The following XKR9 variants were observed in gnomAD, a reference collection of about 807,000 sequenced individuals.
XKR9 encodes XK related 9, also known as XK-related protein 9.
A neutral mutation model predicts 32.0 loss-of-function variants in XKR9; 32 were observed. That is an observed-to-expected ratio of 1.00 (90% CI 0.76 to 1.34). XKR9 has a LOEUF of 1.34. Ranked by LOEUF, XKR9 falls within the 40% of genes most tolerant of loss-of-function variation. XKR9 has a pLI of 0.00. For synonymous variants in XKR9, 168 were observed against 143.4 expected (o/e 1.17, Z -1.22); for missense variants, 546 against 429.7 (o/e 1.27, Z -2.39).
chr8:70,903,088 G>T, the XKR9 span, among the ~76,000 whole-genome samples: 3 of 152,078 alleles, frequency 2.0e-5, no homozygotes, highest in Non-Finnish European at 4.4e-5. Context: ...AGGGATATTG[G>T]TCTAAAATTC....
At chr8:70,967,839 C>A in the XKR9 span, among the ~76,000 whole-genome samples, 13 of 152,010 alleles carry the variant, frequency 8.6e-5, no homozygotes, top group African/African-American at 3.1e-4. Context: ...TGTGGGTGAT[C>A]CAGCCTTTCT....
chr8:70,703,735 A>T (rs1419085449), intron 3 of XKR9, among the ~76,000 whole-genome samples: 1 of 152,132 alleles, frequency 6.6e-6, no homozygotes, highest in Non-Finnish European at 1.5e-5. Context: ...CAGTAGGGGA[A>T]TCAGCCTGAT....
At chr8:70,844,772 C>G in the XKR9 span, among the ~76,000 whole-genome samples, 1 of 152,230 alleles carries the variant, frequency 6.6e-6, no homozygotes, top group South Asian at 2.1e-4. Context: ...CATGTGCCAC[C>G]TGGAAGTTTG....
At chr8:70,763,114 A>T (rs1056799862) in intron 2 of XKR9, among the ~76,000 whole-genome samples, 2 of 152,206 alleles carry the variant, frequency 1.3e-5, no homozygotes, top group Non-Finnish European at 2.9e-5. Context: ...CTCAGGCTGT[A>T]GTCTGTGAGA....
chr8:70,845,258 C>G, the XKR9 span, among the ~76,000 whole-genome samples: 1 of 152,168 alleles, frequency 6.6e-6, no homozygotes, highest in East Asian at 1.9e-4. Context: ...CCTACCCAAC[C>G]AACACTATAG....
intron 2 of XKR9, among the ~76,000 whole-genome samples, chr8:70,760,997 G>A (rs1807301323): frequency 6.6e-6 from 1 of 152,156 alleles, no homozygotes; most frequent in Non-Finnish European, 1.5e-5. Context: ...CTTTGCTAAA[G>A]ATAATGGCCT....
At chr8:71,061,883 G>A in the XKR9 span, among the ~76,000 whole-genome samples, 4 of 152,210 alleles carry the variant, frequency 2.6e-5, no homozygotes, top group African/African-American at 9.6e-5. Flanking sequence ...GCATAAAAAT[G>A]TAAAGAACTC....
At chr8:70,883,747 G>T in the XKR9 span, among the ~76,000 whole-genome samples, 2 of 151,930 alleles carry the variant, frequency 1.3e-5, no homozygotes, top group Non-Finnish European at 2.9e-5. Context: ...ATATTCCATT[G>T]TCTAGATGTA....
the XKR9 span, among the ~76,000 whole-genome samples, chr8:70,844,888 C>T: frequency 6.6e-6 from 1 of 152,248 alleles, no homozygotes; most frequent in Non-Finnish European, 1.5e-5. Flanking sequence ...CCATGCTCCA[C>T]ATCCTATCCA....
At chr8:71,054,872 A>G in the XKR9 span, among the ~76,000 whole-genome samples, 1 of 152,222 alleles carries the variant, frequency 6.6e-6, no homozygotes, top group Non-Finnish European at 1.5e-5. Context: ...CAAGAAACTG[A>G]CTAGACAAAT....
chr8:70,853,244 G>C, the XKR9 span, among the ~76,000 whole-genome samples: 2 of 152,028 alleles, frequency 1.3e-5, no homozygotes, highest in Non-Finnish European at 2.9e-5. Context: ...GGTTCTCAGA[G>C]TCTGGGAATG....
At chr8:70,814,926 C>T in the XKR9 span, among the ~76,000 whole-genome samples, 4 of 152,168 alleles carry the variant, frequency 2.6e-5, no homozygotes, top group African/African-American at 9.7e-5. Context: ...GTTCCAAAGT[C>T]AGTAGCATTT....
intron 3 of XKR9, among the ~76,000 whole-genome samples, chr8:70,686,215 A>C (rs1439356900): frequency 1.4e-5 from 2 of 147,756 alleles, no homozygotes; most frequent in Non-Finnish European, 3.0e-5. Flanking sequence ...TTTTACTCTC[A>C]ACACTTTAAA....
the XKR9 span, among the ~76,000 whole-genome samples, chr8:70,812,129 A>G: frequency 2.0e-5 from 3 of 152,198 alleles, no homozygotes; most frequent in African/African-American, 7.2e-5. Context: ...ATGCAAGGCT[A>G]GTTCAACATA....
chr8:70,740,435 A>T (rs1385159766), downstream of XKR9, among the ~76,000 whole-genome samples: 1 of 152,102 alleles, frequency 6.6e-6, no homozygotes, highest in African/African-American at 2.4e-5. Flanking sequence ...AGCTCGGAGT[A>T]GTTTGATCAT....
the XKR9 span, among the ~76,000 whole-genome samples, chr8:70,948,158 T>A: frequency 4.1e-5 from 6 of 147,368 alleles, no homozygotes; most frequent in Non-Finnish European, 9.0e-5. Context: ...AGTTTCAAAA[T>A]GACTGTTTAT....
At chr8:71,028,326 G>A in the XKR9 span, among the ~76,000 whole-genome samples, 1 of 151,852 alleles carries the variant, frequency 6.6e-6, no homozygotes, top group African/African-American at 2.4e-5. Context: ...TGTTGCTATT[G>A]TAAATGGATT....
the XKR9 span, among the ~76,000 whole-genome samples, chr8:70,856,094 A>T: frequency 6.6e-6 from 1 of 152,216 alleles, no homozygotes; most frequent in East Asian, 1.9e-4. Context: ...ACCAGCTAAC[A>T]TCATAATGAC....
chr8:71,061,070 G>A, the XKR9 span, among the ~76,000 whole-genome samples: 1 of 152,180 alleles, frequency 6.6e-6, no homozygotes, highest in African/African-American at 2.4e-5. Context: ...GTTTTAATAT[G>A]TCCTTTTTAT....
Sources: allele counts gnomAD v4.1 joint callset (sites outside exome capture counted in the v4.1 genomes callset), GRCh38; gene constraint gnomAD v4.1.1; transcripts MANE v1.5; gene names NCBI Gene and HGNC (gene_info 2026-07-23, HGNC 2026-07-21).